Variants in RABGAP1L observed in about 807,000 individuals in gnomAD.
RABGAP1L encodes RAB GTPase activating protein 1 like.
Under a neutral mutation model 137.7 loss-of-function variants are expected in RABGAP1L, and 63 were observed. The ratio of observed to expected loss-of-function variants is 0.46; its 90% CI spans 0.37 to 0.56. RABGAP1L has a LOEUF of 0.56. Ranked by LOEUF, RABGAP1L falls within the 20% of genes least tolerant of loss-of-function variation. The pLI is 0.00. For missense variants in RABGAP1L, 1,095 were observed against 1,244.0 expected, an observed-to-expected ratio of 0.88 and a Z score of 1.80; for synonymous variants, 431 against 433.7, an observed-to-expected ratio of 0.99 and a Z score of 0.08.
intron 13 of RABGAP1L, among the ~76,000 whole-genome samples, chr1:174,475,799 G>T (rs1049684231): frequency 8.9e-6 from 1 of 112,922 alleles, no homozygotes; most frequent in African/African-American, 3.0e-5. Flanking sequence ...AAAAAAAAAA[G>T]GTCAGATCTT....
intron 13 of RABGAP1L, chr1:174,449,175 G>T: frequency 6.2e-7 from 1 of 1,602,030 alleles, no homozygotes; most frequent in Non-Finnish European, 8.5e-7. Flanking sequence ...CCTAGGAAAC[G>T]GGCTAATTCT....
intron 13 of RABGAP1L, among the ~76,000 whole-genome samples, chr1:174,571,395 G>A (rs1387419618): frequency 6.6e-6 from 1 of 151,992 alleles, no homozygotes; most frequent in African/African-American, 2.4e-5. Flanking sequence ...TAATTTAATT[G>A]TACACTTTAA....
At chr1:174,505,341 G>A (rs1448523888) in intron 13 of RABGAP1L, among the ~76,000 whole-genome samples, 5 of 152,078 alleles carry the variant, frequency 3.3e-5, no homozygotes, top group Admixed American at 3.3e-4. Context: ...CTAGAATCAG[G>A]GTAGTCAAGA....
chr1:174,314,086 G>T (rs1438619119), intron 11 of RABGAP1L, among the ~76,000 whole-genome samples: 1 of 152,026 alleles, frequency 6.6e-6, no homozygotes, highest in Non-Finnish European at 1.5e-5. Context: ...GATTTGGATT[G>T]GTGTTAGTTC....
At chr1:174,811,790 C>T (rs1383155432) in intron 18 of RABGAP1L, 42 bp from the exon 19 acceptor site, 1 of 1,455,640 alleles carries the variant, frequency 6.9e-7, no homozygotes, top group East Asian at 2.5e-5. Flanking sequence ...GTCCTCAAAG[C>T]AGGCTGAAAT....
chr1:174,218,134 G>T (rs1669478884), intron 1 of RABGAP1L, among the ~76,000 whole-genome samples: 1 of 151,940 alleles, frequency 6.6e-6, no homozygotes, highest in African/African-American at 2.4e-5. Flanking sequence ...TGTCTTTCAG[G>T]TTTAGGCTCA....
At chr1:174,295,943 A>T (rs776646145) in intron 10 of RABGAP1L, among the ~76,000 whole-genome samples, 2 of 152,230 alleles carry the variant, frequency 1.3e-5, no homozygotes, top group Non-Finnish European at 2.9e-5. Context: ...GAGAATGATG[A>T]AAAGCAGTAG....
Position 174,656,116 on chromosome 1 carries a change from ATT to A in RABGAP1L, c.1824+18636_1824+18637del, listed in dbSNP as rs146941491. Among the ~76,000 whole-genome samples, 7 of 151,564 alleles carry A rather than the reference ATT, an allele frequency of 4.6e-5. No homozygotes were observed. In the East Asian group the frequency reaches 1.4e-3, roughly 29 times the overall value. ...TGCATACAAACATGTATTTATGCCC[ATT>A]TTTTTTTATTAATACATAATTCACA... On this transcript the variant is annotated intron_variant, in intron 14 of 25. Transcript: ENST00000681986.
At chr1:174,273,322 TTGTC>T (rs887718385) in intron 8 of RABGAP1L, among the ~76,000 whole-genome samples, 6 of 152,002 alleles carry the variant, frequency 3.9e-5, no homozygotes, top group Non-Finnish European at 7.4e-5. Context: ...GGGTACCTGT[TTGTC>T]TGCTAAGTGT....
chr1:174,780,116 A>AAATAAATT (rs1489806665), intron 18 of RABGAP1L, among the ~76,000 whole-genome samples: 22 of 145,836 alleles, frequency 1.5e-4, no homozygotes, highest in African/African-American at 4.9e-4. Context: ...ATAAATAAAT[A>AAATAAATT]AATTAAATAA....
chr1:174,552,730 G>C (rs989241340), intron 13 of RABGAP1L, among the ~76,000 whole-genome samples: 1 of 151,980 alleles, frequency 6.6e-6, no homozygotes, highest in Non-Finnish European at 1.5e-5. Context: ...TATTCCTCCG[G>C]GTATATACTC....
chr1:174,376,393 A>C (rs955277545), intron 12 of RABGAP1L, among the ~76,000 whole-genome samples: 3 of 152,318 alleles, frequency 2.0e-5, no homozygotes, highest in Middle Eastern at 3.4e-3. Flanking sequence ...AGAAAAGAAA[A>C]TTGCAGACGA....
intron 18 of RABGAP1L, among the ~76,000 whole-genome samples, chr1:174,785,703 C>G (rs908722114): frequency 2.0e-5 from 3 of 152,180 alleles, no homozygotes; most frequent in Admixed American, 1.3e-4. Flanking sequence ...TTTGAGCATG[C>G]GTATTCAACT....
intron 13 of RABGAP1L, chr1:174,547,930 C>T (rs1666152548): frequency 6.5e-7 from 1 of 1,550,108 alleles, no homozygotes; most frequent in South Asian, 1.2e-5. Flanking sequence ...CTGTAACCAG[C>T]TGCAATTTGA....
intron 11 of RABGAP1L, among the ~76,000 whole-genome samples, chr1:174,308,769 A>G (rs1235787341): frequency 6.6e-6 from 1 of 151,996 alleles, no homozygotes; most frequent in Non-Finnish European, 1.5e-5. Context: ...TGTTTTGGTT[A>G]CTTTAGCATT....
intron 13 of RABGAP1L, among the ~76,000 whole-genome samples, chr1:174,618,592 G>C (rs960547080): frequency 9.9e-5 from 15 of 152,168 alleles, no homozygotes; most frequent in South Asian, 2.1e-4. Context: ...CTGACTGTTA[G>C]AAGAAAAACT....
chr1:174,207,802 T>A (rs1665472107), intron 1 of RABGAP1L, among the ~76,000 whole-genome samples: 1 of 152,192 alleles, frequency 6.6e-6, no homozygotes, highest in Admixed American at 6.5e-5. Flanking sequence ...ATTCAAGTTA[T>A]CTGTGTCTCC....
intron 13 of RABGAP1L, among the ~76,000 whole-genome samples, chr1:174,397,158 A>T (rs1647972868): frequency 6.6e-6 from 1 of 152,140 alleles, no homozygotes; most frequent in African/African-American, 2.4e-5. Flanking sequence ...AACCACAAAA[A>T]ACAGAATGGC....
intron 13 of RABGAP1L, among the ~76,000 whole-genome samples, chr1:174,602,722 A>G (rs1450835953): frequency 4.6e-5 from 7 of 152,112 alleles, no homozygotes; most frequent in Admixed American, 1.3e-4. Flanking sequence ...CAGTTCGACT[A>G]TTGAGAGACT....
Sources: allele counts gnomAD v4.1 joint callset (sites outside exome capture counted in the v4.1 genomes callset), GRCh38; gene constraint gnomAD v4.1.1; transcripts MANE v1.5; gene names NCBI Gene and HGNC (gene_info 2026-07-23, HGNC 2026-07-21).